CFAP44: variants seen among roughly 807,000 people sequenced by gnomAD.
The protein encoded by CFAP44 is cilia- and flagella-associated protein 44.
Under a neutral mutation model 216.2 loss-of-function variants are expected in CFAP44, and 134 were observed. The observed-to-expected ratio is 0.62, with a 90% CI of 0.54 to 0.72. The LOEUF is 0.72. Ranked by LOEUF, CFAP44 falls within the 30% of genes least tolerant of loss-of-function variation. The pLI is 0.00. For missense variants in CFAP44, 2,035 were observed against 2,182.1 expected, an observed-to-expected ratio of 0.93 and a Z score of 1.34; for synonymous variants, 700 against 727.6, an observed-to-expected ratio of 0.96 and a Z score of 0.61.
chr3:113,317,700 A>G (rs987955718), intron 28 of CFAP44, among the ~76,000 whole-genome samples: 1 of 152,200 alleles, frequency 6.6e-6, no homozygotes, highest in Non-Finnish European at 1.5e-5. Context: ...GCTGGGGAGG[A>G]GCCCTCACTC....
chr3:113,425,241 G>A (rs1934928565), intron 4 of CFAP44, among the ~76,000 whole-genome samples: 1 of 152,084 alleles, frequency 6.6e-6, no homozygotes, highest in Non-Finnish European at 1.5e-5. Flanking sequence ...ACTGAGTCAG[G>A]GAGTACACCA....
chr3:113,402,064 A>T (rs1934156729), intron 9 of CFAP44, among the ~76,000 whole-genome samples: 1 of 152,210 alleles, frequency 6.6e-6, no homozygotes, highest in Admixed American at 6.5e-5. Flanking sequence ...AAGTGGCCAT[A>T]GGAGTATATG....
intron 13 of CFAP44, among the ~76,000 whole-genome samples, chr3:113,399,455 T>C (rs1418858824): frequency 6.9e-6 from 1 of 144,492 alleles, no homozygotes; most frequent in Non-Finnish European, 1.6e-5. Context: ...AACTTACTTA[T>C]TTTGACTACT....
chr3:113,395,693 T>C (rs1933970938), intron 15 of CFAP44, 57 bp downstream of exon 15: 2 of 1,446,258 alleles, frequency 1.4e-6, no homozygotes, highest in South Asian at 2.5e-5. Context: ...ATCTACAAGA[T>C]AGTTTCACTA....
rs200117088 is a variant in CFAP44 at position 113,394,724 on chromosome 3, TA to T, written c.1890+1025del. Among the ~76,000 whole-genome samples the T allele has an allele frequency of 2.3e-3, 336 of 147,454 alleles. 2 individuals carry two copies. The highest frequency in any genetic ancestry group is 6.3e-3 in the East Asian group (32 of 5,094). ...CTAACACTAACAACAGCTGACGAGCTAAAAAAAAAAATTGCAAAATATCTCA... is the reference window on the plus strand; with the variant it reads ...CTAACACTAACAACAGCTGACGAGCTAAAAAAAAAATTGCAAAATATCTCA... On this transcript the variant is annotated intron_variant, in intron 15 of 34. Coordinates refer to ENST00000393845, the MANE Select transcript of CFAP44 (RefSeq NM_001164496.2).
chr3:113,400,199 T>G (rs958906606), intron 12 of CFAP44, among the ~76,000 whole-genome samples, 199 bp from the exon 13 acceptor site: 9 of 152,278 alleles, frequency 5.9e-5, no homozygotes, highest in Admixed American at 1.3e-4. Flanking sequence ...AACAGATGAT[T>G]GACTGCTGGG....
intron 15 of CFAP44, among the ~76,000 whole-genome samples, chr3:113,392,170 T>G (rs1356049584): frequency 1.3e-5 from 2 of 152,154 alleles, no homozygotes; most frequent in Non-Finnish European, 2.9e-5. Flanking sequence ...AACAGATGAA[T>G]GGATAAAGAA....
chr3:113,354,934 C>T (rs1950480142), intron 22 of CFAP44, among the ~76,000 whole-genome samples: 1 of 152,188 alleles, frequency 6.6e-6, no homozygotes, highest in African/African-American at 2.4e-5. Flanking sequence ...GAGTCCACTT[C>T]ACTCCCCTGC....
rs117100814 is a variant in CFAP44 at position 113,330,216 on chromosome 3, C to T, written c.4068G>A (p.Lys1356=). Reference sequence around the variant, plus strand: ...TGTACACGTGTTTAATCTCGTCTCTCTTCATAATTTCCAGCTCCACATCCG... The same window carrying T: ...TGTACACGTGTTTAATCTCGTCTCTTTTCATAATTTCCAGCTCCACATCCG... ...EPTDVELEIM[K]RDEIKHVYMQ... The change falls in exon 26 of 35, where the codon AAG becomes AAA. Residue 1356 remains lysine, a synonymous_variant. Coordinates refer to ENST00000393845, the MANE Select transcript of CFAP44 (RefSeq NM_001164496.2). The T allele has an allele frequency of 7.4e-4, 1,140 of 1,537,686 alleles. 14 individuals are homozygous for T. The East Asian group carries it at 0.027, about 36-fold the overall frequency.
intron 18 of CFAP44, among the ~76,000 whole-genome samples, chr3:113,370,700 A>G (rs1250228836): frequency 1.3e-5 from 2 of 152,230 alleles, no homozygotes; most frequent in Non-Finnish European, 1.5e-5. Context: ...CACCATGCCT[A>G]TTCAACATAG....
At chr3:113,380,809 T>C in intron 16 of CFAP44, 90 bp downstream of exon 16, 3 of 1,115,200 alleles carry the variant, frequency 2.7e-6, no homozygotes, top group Non-Finnish European at 2.4e-6. Context: ...TTTTATTCTT[T>C]TGTGTATTCC....
intron 22 of CFAP44, among the ~76,000 whole-genome samples, chr3:113,348,102 A>G (rs1576561243): frequency 6.6e-6 from 1 of 152,242 alleles, no homozygotes; most frequent in East Asian, 1.9e-4. Flanking sequence ...TCCAGGGACC[A>G]TTGCAGGTTC....
rs1949965590 is a variant in CFAP44 at position 113,304,356 on chromosome 3, A to G, written c.4876-239T>C. The stretch of plus-strand genomic sequence containing the variant: ...TCCTCCCACACAGATCATGCCTATT[A>G]TCTACTGCATAATGATGTGACAAAC... On this transcript the variant is annotated intron_variant, in intron 31 of 34. Coordinates refer to ENST00000393845, the MANE Select transcript of CFAP44 (RefSeq NM_001164496.2). The G allele has an allele frequency of 6.0e-6, 3 of 498,272 alleles. No homozygotes were observed. In the East Asian group the frequency reaches 9.9e-5, roughly 16 times the overall value. The allele number at this position is 498,272 out of a possible 1,614,324, so 30.9% of individuals were successfully genotyped here.
rs1307183812 is a variant in CFAP44, at chr3:113,327,808, C to T, written c.4128G>A (p.Leu1376=). The T allele has an allele frequency of 7.5e-5, 116 of 1,536,440 alleles. No homozygotes were observed. Among genetic ancestry groups the T allele is most frequent in the Non-Finnish European group, 9.9e-5 (114 of 1,146,586 alleles). The part of the protein sequence containing the change: ...QQYLVNRIKE[L]VVTFDAELRL... ...GGAGTTCTGCATCGAAAGTGACAACCAGTTCTTTGATCTGAGATGGAAAAA... is the reference window on the plus strand; with the variant it reads ...GGAGTTCTGCATCGAAAGTGACAACTAGTTCTTTGATCTGAGATGGAAAAA... The change falls in exon 27 of 35, where the codon CTG becomes CTA. Residue 1376 remains leucine (L), a synonymous_variant. Coordinates refer to ENST00000393845, the MANE Select transcript of CFAP44 (RefSeq NM_001164496.2).
chr3:113,291,609 AG>A lies in CFAP44; in HGVS notation c.5512del (p.Leu1838SerfsTer50), dbSNP rs1402756970. 6.5e-7 allele frequency: 1 copy of A among 1,537,110 alleles called. No homozygotes were observed. Among genetic ancestry groups the A allele is most frequent in the Non-Finnish European group, 8.7e-7 (1 of 1,146,924 alleles). On this transcript the variant is annotated frameshift_variant, in exon 35 of 35. Coordinates refer to ENST00000393845, the MANE Select transcript of CFAP44 (RefSeq NM_001164496.2). LOFTEE classifies it low-confidence loss of function (END_TRUNC). ...CTCTCGTGGAGACTGAATGGGTGGG[AG>A]GATAAGACTGCCTTTCCTACGCAAA... The part of the protein sequence containing the change: ...ALLRRKGSLI[L>X]PPIQSPREKE...
At chr3:113,416,504 T>C (rs746333429) in intron 6 of CFAP44, 21 bp downstream of exon 6, 1 of 1,535,922 alleles carries the variant, frequency 6.5e-7, no homozygotes, top group Non-Finnish European at 9.0e-7. Context: ...ATGAAATATT[T>C]AAATATGCTT....
chr3:113,383,035 A>T (rs1473333029), intron 15 of CFAP44, among the ~76,000 whole-genome samples: 7 of 152,226 alleles, frequency 4.6e-5, no homozygotes, highest in Non-Finnish European at 4.4e-5. Context: ...TTGACATATA[A>T]CTATCTCCAG....
chr3:113,428,792 C>T (rs754222219), intron 2 of CFAP44: 1 of 152,098 alleles, frequency 6.6e-6, no homozygotes, highest in Non-Finnish European at 1.5e-5. Flanking sequence ...GAAAGGAATG[C>T]CATAACTGTA....
intron 4 of CFAP44, among the ~76,000 whole-genome samples, chr3:113,424,894 C>T (rs1288800386): frequency 6.6e-6 from 1 of 152,198 alleles, no homozygotes. Flanking sequence ...GAAGGCAGTG[C>T]ACTGCCAAAC....
Sources: allele counts gnomAD v4.1 joint callset (sites outside exome capture counted in the v4.1 genomes callset), GRCh38; gene constraint gnomAD v4.1.1; transcripts MANE v1.5; gene names NCBI Gene and HGNC (gene_info 2026-07-23, HGNC 2026-07-21).